THSD7B: variants seen among roughly 807,000 people sequenced by gnomAD.
THSD7B encodes the protein thrombospondin type 1 domain containing 7B, also known as thrombospondin type-1 domain-containing protein 7B.
A neutral mutation model predicts 213.6 loss-of-function variants in THSD7B; 138 were observed. The observed-to-expected ratio is 0.65, with a 90% CI of 0.56 to 0.74. The LOEUF (loss-of-function observed/expected upper bound fraction) is 0.74. Ranked by LOEUF, THSD7B falls within the 30% of genes least tolerant of loss-of-function variation. The pLI is 0.00. For missense variants in THSD7B, 1,931 were observed against 1,991.5 expected, an observed-to-expected ratio of 0.97 and a Z score of 0.58; for synonymous variants, 742 against 687.0, an observed-to-expected ratio of 1.08 and a Z score of -1.25.
chr2:137,668,770 A>G (rs1376422133), intron 27 of THSD7B, among the ~76,000 whole-genome samples: 2 of 152,216 alleles, frequency 1.3e-5, no homozygotes, highest in Non-Finnish European at 2.9e-5. Context: ...ACTATAAAGT[A>G]AGCTAGAGAA....
intron 2 of THSD7B, among the ~76,000 whole-genome samples, chr2:137,041,843 T>C (rs1028053647): frequency 6.6e-6 from 1 of 152,186 alleles, no homozygotes; most frequent in East Asian, 1.9e-4. Flanking sequence ...GCCAATAAAG[T>C]ACATCATGTC....
intron 15 of THSD7B, among the ~76,000 whole-genome samples, chr2:137,454,960 G>C (rs1687734717): frequency 6.6e-6 from 1 of 151,800 alleles, no homozygotes; most frequent in Non-Finnish European, 1.5e-5. Flanking sequence ...TACTATTTGG[G>C]CATGAGGAGG....
At chr2:137,620,858 A>G (rs752773999) in intron 20 of THSD7B, 132 bp downstream of exon 20, 5 of 691,866 alleles carry the variant, frequency 7.2e-6, no homozygotes, top group Non-Finnish European at 1.2e-5. Flanking sequence ...ACAGGGGAAG[A>G]AAAACAGAGC....
intron 21 of THSD7B, among the ~76,000 whole-genome samples, chr2:137,646,740 A>G (rs926302124): frequency 3.4e-4 from 52 of 151,562 alleles, no homozygotes; most frequent in African/African-American, 1.2e-3. Context: ...ATGAGCAATA[A>G]ATTTCCATTG....
chr2:137,554,684 C>T (rs1053105345), intron 15 of THSD7B, among the ~76,000 whole-genome samples: 8 of 152,052 alleles, frequency 5.3e-5, no homozygotes, highest in Non-Finnish European at 1.5e-5. Flanking sequence ...CTCACTGGGG[C>T]GTGTCAGACA....
chr2:137,308,099 T>A (rs1210464807), intron 12 of THSD7B, among the ~76,000 whole-genome samples: 1 of 152,038 alleles, frequency 6.6e-6, no homozygotes, highest in Non-Finnish European at 1.5e-5. Flanking sequence ...TTCCCCACGA[T>A]TATTTCCTCC....
chr2:137,266,185 G>A (rs1222747837), intron 10 of THSD7B, among the ~76,000 whole-genome samples: 1 of 152,034 alleles, frequency 6.6e-6, no homozygotes, highest in Admixed American at 6.6e-5. Context: ...CTTGCATCTG[G>A]CAATGTGTTC....
intron 3 of THSD7B, among the ~76,000 whole-genome samples, chr2:137,061,459 C>G (rs1687269259): frequency 6.7e-6 from 1 of 149,464 alleles, no homozygotes; most frequent in Non-Finnish European, 1.5e-5. Flanking sequence ...GAAATCTATG[C>G]TGTCACCATT....
At chr2:137,123,788 C>T (rs2104946128) in intron 5 of THSD7B, among the ~76,000 whole-genome samples, 1 of 152,118 alleles carries the variant, frequency 6.6e-6, no homozygotes, top group East Asian at 1.9e-4. Flanking sequence ...CCCTCAGTCT[C>T]ATTTCTCTTC....
At chr2:136,849,835 A>G (rs1345535275) in intron 1 of THSD7B, among the ~76,000 whole-genome samples, 2 of 152,144 alleles carry the variant, frequency 1.3e-5, no homozygotes, top group Non-Finnish European at 2.9e-5. Flanking sequence ...AAACAATATA[A>G]CACCTAGGCA....
At chr2:137,429,964 CA>C (rs1269844005) in intron 14 of THSD7B, among the ~76,000 whole-genome samples, 31 of 152,020 alleles carry the variant, frequency 2.0e-4, no homozygotes, top group Non-Finnish European at 3.7e-4. Context: ...TAAGTAGGGC[CA>C]GGTGCAGTGG....
At chr2:137,055,316 T>C (rs1188043040) in intron 2 of THSD7B, among the ~76,000 whole-genome samples, 1 of 152,206 alleles carries the variant, frequency 6.6e-6, no homozygotes, top group Non-Finnish European at 1.5e-5. Context: ...GTAATGAGAT[T>C]GCTGGGTTGA....
At chr2:136,995,879 G>A (rs2104819970) in intron 2 of THSD7B, among the ~76,000 whole-genome samples, 1 of 152,248 alleles carries the variant, frequency 6.6e-6, no homozygotes, top group South Asian at 2.1e-4. Flanking sequence ...ATTTATAGAT[G>A]GATGTAATGA....
intron 7 of THSD7B, among the ~76,000 whole-genome samples, chr2:137,220,913 A>G (rs564588827): frequency 6.6e-6 from 1 of 152,300 alleles, no homozygotes; most frequent in South Asian, 2.1e-4. Flanking sequence ...TGTGTGAAAG[A>G]AGTAAGACCT....
chr2:137,349,950 T>G (rs1242936951), intron 12 of THSD7B, among the ~76,000 whole-genome samples: 1 of 151,822 alleles, frequency 6.6e-6, no homozygotes, highest in African/African-American at 2.4e-5. Flanking sequence ...GTTTCTCATA[T>G]TTCTATTATG....
In THSD7B at chr2:137,620,631, G is replaced by A. The variant is rs1682501514; in HGVS notation, c.3704G>A (p.Arg1235Lys). The A allele has an allele frequency of 2.5e-6, 4 of 1,613,722 alleles. No homozygotes were observed. The highest frequency in any genetic ancestry group is 1.1e-5 in the South Asian group (1 of 91,078). Residue 1235 changes from arginine (R) to lysine (K), a missense_variant, in exon 20 of 28, where the codon AGA becomes AAA. By Grantham distance (26) the Arg-to-Lys change is conservative. Transcript: ENST00000409968. ...CEQHNLEKPQ[R>K]MSIPCLVECV... ...CAGCATAATTTGGAGAAGCCCCAGA[G>A]AATGAGCATTCCCTGCTTGGTGGAA...
At chr2:136,831,131 T>TTTTC (rs1682747687) in intron 1 of THSD7B, among the ~76,000 whole-genome samples, 1 of 144,054 alleles carries the variant, frequency 6.9e-6, no homozygotes, top group Non-Finnish European at 1.5e-5. Flanking sequence ...TGTAGAATCT[T>TTTTC]TTTTTTTTTT....
intron 2 of THSD7B, among the ~76,000 whole-genome samples, chr2:136,972,603 G>C (rs1299333479): frequency 6.6e-6 from 1 of 152,060 alleles, no homozygotes; most frequent in Non-Finnish European, 1.5e-5. Context: ...AATGTATTTA[G>C]GTTGTTGAAA....
intron 10 of THSD7B, among the ~76,000 whole-genome samples, chr2:137,264,705 T>C (rs1403171885): frequency 3.3e-5 from 5 of 152,148 alleles, no homozygotes; most frequent in Non-Finnish European, 2.9e-5. Flanking sequence ...AGAGTAGCTA[T>C]GGTTATTTTG....
Sources: allele counts gnomAD v4.1 joint callset (sites outside exome capture counted in the v4.1 genomes callset), GRCh38; gene constraint gnomAD v4.1.1; transcripts MANE v1.5; gene names NCBI Gene and HGNC (gene_info 2026-07-23, HGNC 2026-07-21).